The following GLB1L3 variants were observed in gnomAD, a reference collection of about 807,000 sequenced individuals.
GLB1L3 encodes the protein beta-galactosidase-1-like protein 3.
A neutral mutation model predicts 89.5 loss-of-function variants in GLB1L3; 89 were observed. The ratio of observed to expected loss-of-function variants is 0.99; its 90% CI spans 0.84 to 1.19. The LOEUF is 1.19. Ranked by LOEUF, GLB1L3 falls within the 50% of genes most tolerant of loss-of-function variation. The pLI, the probability that GLB1L3 is intolerant of heterozygous loss-of-function variation, is 0.00. For synonymous variants in GLB1L3, 314 were observed against 312.3 expected, an observed-to-expected ratio of 1.01 and a Z score of -0.06; for missense variants, 812 against 813.3, an observed-to-expected ratio of 1.00 and a Z score of 0.02.
At chr11:134,309,803 GT>G in intron 11 of GLB1L3, 40 bp downstream of exon 11, 2 of 1,604,528 alleles carry the variant, frequency 1.2e-6, no homozygotes, top group South Asian at 2.2e-5. Context: ...AGCATGGGCG[GT>G]GCTGGGGCTT....
At chr11:134,299,499 G>A (rs1565404815) in intron 9 of GLB1L3, among the ~76,000 whole-genome samples, 4 of 152,120 alleles carry the variant, frequency 2.6e-5, no homozygotes, top group African/African-American at 9.7e-5. Flanking sequence ...TGTGGGGTTT[G>A]TTGTTGCTGT....
Position 134,302,134 on chromosome 11 carries a change from C to G in GLB1L3, c.877-4990C>G, listed in dbSNP as rs973883936. 7.1e-4 allele frequency among the ~76,000 whole-genome samples: 108 copies of G among 152,148 alleles called. 1 individual carries two copies. The highest frequency in any genetic ancestry group is 2.5e-3 in the African/African-American group (105 of 41,426). ...CAGTCTTTCATAGTTTACTTGGTTT[C>G]CAGCCAAATACAATGTCCCAGACTC... On this transcript the variant is annotated intron_variant, in intron 9 of 19. Transcript: ENST00000431683.
At chr11:134,311,015 C>A (rs2136218919) in intron 12 of GLB1L3, 49 bp from the exon 13 acceptor site, 1 of 1,331,600 alleles carries the variant, frequency 7.5e-7, no homozygotes, top group Non-Finnish European at 1.1e-6. Context: ...TTAGAGAAGG[C>A]AGTGGTCATC....
At chr11:134,288,694 G>A in intron 6 of GLB1L3, 104 bp from the exon 7 acceptor site, 2 of 735,384 alleles carry the variant, frequency 2.7e-6, no homozygotes, top group Non-Finnish European at 4.4e-6. Flanking sequence ...CCGTGGATCA[G>A]AGCCTGCCGC....
intron 10 of GLB1L3, among the ~76,000 whole-genome samples, chr11:134,308,357 T>TACCACCACCACC (rs762722221): frequency 1.6e-4 from 2 of 12,230 alleles, no homozygotes; most frequent in Non-Finnish European, 1.6e-4. Flanking sequence ...CCATCACCAC[T>TACCACCACCACC]ACCACCACCA....
rs1942810158 is a variant in GLB1L3 at position 134,312,857 on chromosome 11, T to C, written c.1470T>C (p.Asn490=). 6.2e-7 allele frequency: 1 copy of C among 1,611,778 alleles called. No individual in the cohort carries two copies. Among genetic ancestry groups the C allele is most frequent in the African/African-American group, 1.3e-5 (1 of 74,866 alleles). Reference sequence around the variant, plus strand: ...CAATGATAGGGATTCTGAATGAGAATAATAAGGACCTGCACATTCCTGAAC... The same window carrying C: ...CAATGATAGGGATTCTGAATGAGAACAATAAGGACCTGCACATTCCTGAAC... ...DETMIGILNE[N]NKDLHIPELR... is the part of the protein sequence containing the mutation. Residue 490 remains asparagine (N), a synonymous_variant, in exon 15 of 20, where the codon AAT becomes AAC. Transcript: ENST00000431683.
intron 8 of GLB1L3, chr11:134,292,742 T>G: frequency 1.3e-5 from 4 of 316,622 alleles, no homozygotes; most frequent in Non-Finnish European, 2.4e-5. Context: ...CGCCCGGGAG[T>G]GAGCAGGGGA....
intron 9 of GLB1L3, among the ~76,000 whole-genome samples, chr11:134,294,978 T>C (rs969565143): frequency 6.6e-6 from 1 of 152,234 alleles, no homozygotes; most frequent in African/African-American, 2.4e-5. Flanking sequence ...TCTCATCTGA[T>C]TGTGAGATTA....
chr11:134,284,866 C>T (rs765103198), intron 6 of GLB1L3, among the ~76,000 whole-genome samples: 8 of 151,804 alleles, frequency 5.3e-5, no homozygotes, highest in Non-Finnish European at 1.0e-4. Context: ...TGCTATTGCC[C>T]TGCATTCTAG....
At chr11:134,322,120 T>C (rs1410150465), downstream of GLB1L3, among the ~76,000 whole-genome samples, 2 of 152,128 alleles carry the variant, frequency 1.3e-5, no homozygotes, top group East Asian at 1.9e-4. Flanking sequence ...AGTCCAAGGA[T>C]AAAAAATATG....
chr11:134,308,268 CCACCACCACCACCAAA>C (rs1942365752), intron 10 of GLB1L3, among the ~76,000 whole-genome samples: 1 of 33,628 alleles, frequency 3.0e-5, no homozygotes, highest in Non-Finnish European at 5.9e-5. Flanking sequence ...ACCACCACCA[CCACCACCACCACCAAA>C]TACCACCACC....
At chr11:134,277,101 G>C (rs1940409958) in intron 1 of GLB1L3, 1 of 618,506 alleles carries the variant, frequency 1.6e-6, no homozygotes, top group Non-Finnish European at 2.8e-6. Context: ...CCTGTCTGGA[G>C]GGTCTAGGAC....
chr11:134,277,276 C>T (rs1211553111), intron 1 of GLB1L3, 50 bp from the exon 2 acceptor site: 20 of 1,612,262 alleles, frequency 1.2e-5, no homozygotes, highest in Non-Finnish European at 1.7e-5. Context: ...CCTTGCAGCC[C>T]GGTGGGGCCG....
At chr11:134,309,884 G>A in intron 11 of GLB1L3, 121 bp downstream of exon 11, 1 of 1,100,634 alleles carries the variant, frequency 9.1e-7, no homozygotes, top group Non-Finnish European at 1.3e-6. Context: ...GCTGAGTACT[G>A]AAGATTTTCC....
At chr11:134,281,329 G>A (rs747731413) in intron 3 of GLB1L3, 48 bp from the exon 4 acceptor site, 5 of 1,609,138 alleles carry the variant, frequency 3.1e-6, no homozygotes, top group Non-Finnish European at 4.3e-6. Flanking sequence ...ACAATTTGGA[G>A]GAAGAAATAA....
At chr11:134,308,196 T>C (rs1383818560) in intron 10 of GLB1L3, among the ~76,000 whole-genome samples, 144 of 68,806 alleles carry the variant, frequency 2.1e-3, no homozygotes, top group African/African-American at 0.01. Context: ...ATCATCACCA[T>C]CACCACTACC....
At chr11:134,283,455 G>A (rs2136116614) in intron 5 of GLB1L3, among the ~76,000 whole-genome samples, 1 of 152,346 alleles carries the variant, frequency 6.6e-6, no homozygotes, top group Non-Finnish European at 1.5e-5. Flanking sequence ...TAAGAGCCTT[G>A]ACAGGCCAGC....
In GLB1L3 at chr11:134,312,628, C is replaced by T; in HGVS notation, c.1428+139C>T. The T allele has an allele frequency of 2.6e-6, 3 of 1,158,900 alleles. No individual in the cohort carries two copies. The South Asian group carries it at 4.5e-5, about 17-fold the overall frequency. 71.8% of individuals were successfully genotyped at this position (1,158,900 alleles called of 1,614,324 possible). ...AGGCATTGGGACTAAAAAGTCAGGC[C>T]AAATAGACTTGCTTTCTGCTTTATC... is the stretch of plus-strand genomic sequence containing the variant. On this transcript the variant is annotated intron_variant, in intron 14 of 19. Coordinates refer to ENST00000431683, the MANE Select transcript of GLB1L3 (RefSeq NM_001080407.3).
At chr11:134,318,529 T>G (rs1461685054) in intron 18 of GLB1L3, 102 bp from the exon 19 acceptor site, 66 of 689,756 alleles carry the variant, frequency 9.6e-5, no homozygotes, top group Non-Finnish European at 7.8e-6. Flanking sequence ...TTCATTTGAG[T>G]GCCATAAAGT....
Sources: gnomAD v4.1 joint callset for allele counts (sites outside exome capture counted in the v4.1 genomes callset) on GRCh38, gnomAD v4.1.1 for gene constraint, MANE v1.5 for transcripts, NCBI Gene and HGNC (gene_info 2026-07-23, HGNC 2026-07-21) for gene names.